Variants in SLCO1C1 observed in about 807,000 individuals in gnomAD.
The protein encoded by SLCO1C1 is OAT-RP-5.
SLCO1C1 carries 70 observed loss-of-function variants against 76.4 expected under a neutral mutation model. That is an observed-to-expected ratio of 0.92 (90% CI 0.76 to 1.12). SLCO1C1 has a LOEUF of 1.12. Ranked by LOEUF, SLCO1C1 falls within the 50% of genes most tolerant of loss-of-function variation. The probability of loss-of-function intolerance (pLI) is 0.00; values close to 1 mark genes in which losing one functional copy is unlikely to be tolerated. For missense variants in SLCO1C1, 912 were observed against 823.8 expected, an observed-to-expected ratio of 1.11 and a Z score of -1.31; for synonymous variants, 306 against 286.1, an observed-to-expected ratio of 1.07 and a Z score of -0.70.
At chr12:20,700,298 C>T (rs566288564) in intron 2 of SLCO1C1, 77 of 151,922 alleles carry the variant, frequency 5.1e-4, no homozygotes, top group African/African-American at 1.8e-3. Context: ...TTTTTATTTG[C>T]ATCTCCATAA....
intron 9 of SLCO1C1, among the ~76,000 whole-genome samples, chr12:20,728,232 G>A (rs1948117958): frequency 6.6e-6 from 1 of 151,728 alleles, no homozygotes; most frequent in Non-Finnish European, 1.5e-5. Context: ...TTTTGCATAT[G>A]ACTAGCCAGT....
rs1471178346 is a variant in SLCO1C1 at position 20,723,200 on chromosome 12, A to G, written c.1132A>G (p.Lys378Glu). 1 of 1,614,018 alleles carries G rather than the reference A, an allele frequency of 6.2e-7. No homozygotes were observed. Among genetic ancestry groups the G allele is most frequent in the South Asian group, 1.1e-5 (1 of 91,050 alleles). ...GTTCGGCATGGTGACGTACAAACCA[A>G]AGTACATTGAGCAGCAGTATGGACA... ...SLFGMVTYKPKYIEQQYGQSS... is the reference protein window; with the variant it reads ...SLFGMVTYKPEYIEQQYGQSS... Residue 378 changes from lysine (K) to glutamate (E), a missense_variant, in exon 9 of 15, where the codon AAG (lysine) becomes GAG (glutamate). Transcript: ENST00000266509.
At position 20,738,912 on chromosome 12, in the gene SLCO1C1, T is replaced by C. The variant is rs566810771; in HGVS notation, c.1549-1272T>C. Among the ~76,000 whole-genome samples the C allele has an allele frequency of 2.4e-4, 37 of 152,278 alleles. No homozygotes were observed. In the Middle Eastern group the frequency reaches 0.014, roughly 56 times the overall value. On this transcript the variant is annotated intron_variant, in intron 11 of 14. Coordinates refer to ENST00000266509, the MANE Select transcript of SLCO1C1 (RefSeq NM_017435.5). ...AGATTCAAAGGTTTCAACTTGACAT[T>C]ACAAAAAATCTATATTGCCACTCTT... is the stretch of plus-strand genomic sequence containing the variant.
intron 10 of SLCO1C1, among the ~76,000 whole-genome samples, chr12:20,735,636 C>T (rs961812064): frequency 7.9e-5 from 12 of 152,136 alleles, no homozygotes; most frequent in African/African-American, 2.9e-4. Context: ...TACCCTTTCA[C>T]ACTATTTGGA....
intron 12 of SLCO1C1, among the ~76,000 whole-genome samples, chr12:20,740,787 TTA>T (rs71039980): frequency 0.032 from 2,372 of 75,052 alleles, 182 homozygotes; most frequent in African/African-American, 0.12. Context: ...TTTATTTTAT[TTA>T]TATATATATA....
chr12:20,720,165 T>G (rs898612626), intron 7 of SLCO1C1, among the ~76,000 whole-genome samples: 4 of 152,196 alleles, frequency 2.6e-5, no homozygotes, highest in Non-Finnish European at 5.9e-5. Flanking sequence ...ACTAACTATT[T>G]GAAGCCCACT....
At chr12:20,715,464 T>C (rs1247076367) in intron 6 of SLCO1C1, among the ~76,000 whole-genome samples, 179 bp downstream of exon 6, 7 of 152,192 alleles carry the variant, frequency 4.6e-5, no homozygotes, top group African/African-American at 1.7e-4. Context: ...ACACCATAGT[T>C]AGAGGGATCT....
At position 20,723,260 on chromosome 12, in the gene SLCO1C1, C is replaced by T. The variant is rs1209652999; in HGVS notation, c.1186+6C>T. On this transcript the variant is annotated splice_donor_region_variant and intron_variant, in intron 9 of 14. Coordinates refer to ENST00000266509, the MANE Select transcript of SLCO1C1 (RefSeq NM_017435.5). Reference sequence around the variant, plus strand: ...CAGGGCCAACTTTGTGATCGGTATGCTCATCTGCCTTTCATGCTTTCTCAG... The same window carrying T: ...CAGGGCCAACTTTGTGATCGGTATGTTCATCTGCCTTTCATGCTTTCTCAG... 6.2e-7 allele frequency: 1 copy of T among 1,612,516 alleles called. No homozygotes were observed. The highest frequency in any genetic ancestry group is 1.1e-5 in the South Asian group (1 of 90,642).
rs1949383183 is a variant in SLCO1C1 at position 20,753,062 on chromosome 12, A to G, written c.*534A>G. On this transcript the variant is annotated 3_prime_UTR_variant, in exon 15 of 15. Transcript: ENST00000266509. ...TTTTAAGCTCCTCCTTTTCTTTGAA[A>G]TACAATAATTTATATAGAAATGTGT... The G allele has an allele frequency of 6.6e-6, 1 of 152,192 alleles. No homozygotes were observed. The highest frequency in any genetic ancestry group is 2.1e-4 in the South Asian group (1 of 4,834). 9.4% of individuals were successfully genotyped at this position (152,192 alleles called of 1,614,324 possible). A position where few individuals can be genotyped will look rare whatever the true frequency, so the allele number is the denominator to read the frequency against.
Position 20,701,351 on chromosome 12 carries a change from G to A in SLCO1C1, c.163G>A (p.Ala55Thr), listed in dbSNP as rs1264943461. The A allele has an allele frequency of 3.3e-6, 5 of 1,537,834 alleles. No homozygotes were observed. The African/African-American group carries it at 4.1e-5, about 13-fold the overall frequency. The change falls in exon 3 of 15, where the codon GCC becomes ACC. Residue 55 changes from alanine (A) to threonine (T), a missense_variant. Physicochemically the swap from Ala to Thr is moderately conservative, Grantham distance 58. Transcript: ENST00000266509. ...FLCALSFVYF[A>T]KALAEGYLKS... Reference sequence around the variant, plus strand: ...GTGTGCCTTGTCTTTTGTTTACTTTGCCAAAGCATTGGCAGAAGGCTATCT... The same window carrying A: ...GTGTGCCTTGTCTTTTGTTTACTTTACCAAAGCATTGGCAGAAGGCTATCT...
chr12:20,742,525 G>C (rs1183705743), intron 12 of SLCO1C1, among the ~76,000 whole-genome samples: 1 of 151,454 alleles, frequency 6.6e-6, no homozygotes, highest in Non-Finnish European at 1.5e-5. Context: ...GCACTTTTCT[G>C]ATTTATTTAT....
rs551272083 is a variant in SLCO1C1, at chr12:20,735,278, A to G, written c.1383-1829A>G. Among the ~76,000 whole-genome samples the G allele has an allele frequency of 3.5e-4, 54 of 152,322 alleles. No individual in the cohort carries two copies. In the South Asian group the frequency reaches 5.6e-3, roughly 16 times the overall value. ...AAATCTCTCTTCTGCAATAACAAGG[A>G]CAACTCTGATGTGGACATAAGAATT... On this transcript the variant is annotated intron_variant, in intron 10 of 14. Coordinates refer to ENST00000266509, the MANE Select transcript of SLCO1C1 (RefSeq NM_017435.5).
rs1565511942 is a variant in SLCO1C1, at chr12:20,715,162, T to A, written c.553T>A (p.Ser185Thr). ...AGAATGTGAAGTGGACACTAGCTCTTCCATGTGGATTTATGTTTTCCTGGG... is the reference window on the plus strand; with the variant it reads ...AGAATGTGAAGTGGACACTAGCTCTACCATGTGGATTTATGTTTTCCTGGG... ...SNECEVDTSSSMWIYVFLGNL... is the reference protein window; with the variant it reads ...SNECEVDTSSTMWIYVFLGNL... The change falls in exon 6 of 15, where the codon TCC becomes ACC. Residue 185 changes from serine to threonine, a missense_variant. Physicochemically the swap from Ser to Thr is moderately conservative, Grantham distance 58 (BLOSUM62 1). Transcript: ENST00000266509. 1 of 1,614,080 alleles carries A rather than the reference T, an allele frequency of 6.2e-7. No individual in the cohort carries two copies. Among genetic ancestry groups the A allele is most frequent in the East Asian group, 2.2e-5 (1 of 44,870 alleles).
rs1195303979 is a variant in SLCO1C1 at position 20,721,861 on chromosome 12, A to G, written c.833A>G (p.Tyr278Cys). The G allele has an allele frequency of 1.2e-6, 2 of 1,614,162 alleles. No individual in the cohort carries two copies. The highest frequency in any genetic ancestry group is 2.2e-5 in the South Asian group (2 of 91,080). The change falls in exon 8 of 15, where the codon TAT becomes TGT. Residue 278 changes from tyrosine to cysteine, a missense_variant. Coordinates refer to ENST00000266509, the MANE Select transcript of SLCO1C1 (RefSeq NM_017435.5). ...PQWVGAWWLG[Y>C]LIAGIISLLA... ...TGGGTAGGAGCCTGGTGGCTTGGCTATCTAATAGCAGGAATCATAAGTCTT... is the reference window on the plus strand; with the variant it reads ...TGGGTAGGAGCCTGGTGGCTTGGCTGTCTAATAGCAGGAATCATAAGTCTT...
chr12:20,731,877 A>G (rs7308310), intron 9 of SLCO1C1, among the ~76,000 whole-genome samples: 38,954 of 151,828 alleles, frequency 0.26, 5,669 homozygotes, highest in African/African-American at 0.39. Context: ...ATTTTTTTTT[A>G]CTAAACATTG....
Position 20,740,283 on chromosome 12 carries a change from A to G in SLCO1C1, c.1648A>G (p.Met550Val). ...RCQKDNGCPQMFLYFLVISVI... is the reference protein window; with the variant it reads ...RCQKDNGCPQVFLYFLVISVI... ...TCAGAAAGACAATGGATGTCCCCAAATGTTTCTGTATTTCCTTGTAATTTC... is the reference window on the plus strand; with the variant it reads ...TCAGAAAGACAATGGATGTCCCCAAGTGTTTCTGTATTTCCTTGTAATTTC... Residue 550 changes from methionine (M) to valine (V), a missense_variant, in exon 12 of 15, where the codon ATG becomes GTG. Physicochemically the swap from Met to Val is conservative, Grantham distance 21 (BLOSUM62 1). Coordinates refer to ENST00000266509, the MANE Select transcript of SLCO1C1 (RefSeq NM_017435.5). 6.2e-7 allele frequency: 1 copy of G among 1,613,882 alleles called. No homozygotes were observed. Among genetic ancestry groups the G allele is most frequent in the Non-Finnish European group, 8.5e-7 (1 of 1,179,912 alleles).
chr12:20,705,884 T>C (rs925311271), intron 3 of SLCO1C1, 65 bp from the exon 4 acceptor site: 2 of 1,508,408 alleles, frequency 1.3e-6, no homozygotes, highest in African/African-American at 2.8e-5. Flanking sequence ...ATACATTCAT[T>C]CAGTTATGCT....
Position 20,695,800 on chromosome 12 carries a change from T to C in SLCO1C1, c.-33T>C, listed in dbSNP as rs1419489302. ...AAGGAACTGGCTATCTTTGATCTCT[T>C]CCTCCAGGTAAGACTTGGTTCTCTC... On this transcript the variant is annotated 5_prime_UTR_variant, in exon 1 of 15. Transcript: ENST00000266509. The C allele has an allele frequency of 1.3e-5, 2 of 152,130 alleles. No individual in the cohort carries two copies. Among genetic ancestry groups the C allele is most frequent in the Non-Finnish European group, 2.9e-5 (2 of 68,018 alleles). 9.4% of individuals were successfully genotyped at this position (152,130 alleles called of 1,614,324 possible).
intron 7 of SLCO1C1, among the ~76,000 whole-genome samples, chr12:20,717,645 CTTCTTTTTTTTTTTT>C (rs1947434331): frequency 5.7e-5 from 5 of 87,502 alleles, no homozygotes; most frequent in Admixed American, 3.7e-4. Flanking sequence ...CCAAACAGCC[CTTCTTTTTTTTTTTT>C]TTTTTTTTTT....
Sources: allele counts gnomAD v4.1 joint callset (sites outside exome capture counted in the v4.1 genomes callset), GRCh38; gene constraint gnomAD v4.1.1; transcripts MANE v1.5; gene names NCBI Gene and HGNC (gene_info 2026-07-23, HGNC 2026-07-21).